Variants in CSMD1 observed in about 807,000 individuals in gnomAD.
CSMD1 encodes CUB and sushi domain-containing protein 1.
CSMD1 carries 213 observed loss-of-function variants against 417.5 expected under a neutral mutation model. That is an observed-to-expected ratio of 0.51 (90% CI 0.46 to 0.57). The LOEUF is 0.57. Among genes scored for constraint, CSMD1 ranks in the 20% least tolerant of loss-of-function variants. The probability of loss-of-function intolerance (pLI) is 0.00; values close to 1 mark genes in which losing one functional copy is unlikely to be tolerated. For missense variants in CSMD1, 6,923 were observed against 4,529.7 expected, an observed-to-expected ratio of 1.53 and a Z score of -15.17; for synonymous variants, 2,862 against 1,736.8, an observed-to-expected ratio of 1.65 and a Z score of -16.11.
chr8:2,941,030 T>G (rs989198377), intron 69 of CSMD1, among the ~76,000 whole-genome samples: 1 of 152,232 alleles, frequency 6.6e-6, no homozygotes, highest in Non-Finnish European at 1.5e-5. Context: ...CTTTCTACAT[T>G]TACTAAATTT....
intron 1 of CSMD1, among the ~76,000 whole-genome samples, chr8:4,971,911 C>T (rs541437648): frequency 1.4e-4 from 22 of 151,958 alleles, no homozygotes; most frequent in Non-Finnish European, 2.9e-4. Context: ...TGACTTAGGA[C>T]ATTTTCTATA....
intron 3 of CSMD1, among the ~76,000 whole-genome samples, chr8:4,194,203 A>C (rs1490697636): frequency 6.6e-6 from 1 of 152,156 alleles, no homozygotes; most frequent in Non-Finnish European, 1.5e-5. Context: ...TGACACTACT[A>C]AATTTCTTTC....
At chr8:4,204,362 C>T (rs953036908) in intron 3 of CSMD1, among the ~76,000 whole-genome samples, 1 of 151,832 alleles carries the variant, frequency 6.6e-6, no homozygotes, top group Non-Finnish European at 1.5e-5. Flanking sequence ...GGTGAGCAAA[C>T]TGACAACATC....
At chr8:3,764,076 G>A (rs1239212397) in intron 5 of CSMD1, among the ~76,000 whole-genome samples, 1 of 152,114 alleles carries the variant, frequency 6.6e-6, no homozygotes, top group Non-Finnish European at 1.5e-5. Context: ...GCTCTCAGAT[G>A]TATATTTCTG....
At chr8:4,816,166 T>C (rs1799195655) in intron 1 of CSMD1, among the ~76,000 whole-genome samples, 1 of 151,562 alleles carries the variant, frequency 6.6e-6, no homozygotes, top group African/African-American at 2.4e-5. Context: ...TGGCTCAGGT[T>C]GGTCACTAAA....
intron 2 of CSMD1, among the ~76,000 whole-genome samples, chr8:4,467,465 CTT>C (rs1800250700): frequency 6.6e-6 from 1 of 152,200 alleles, no homozygotes. Flanking sequence ...TCTTGGCTGT[CTT>C]TGTGCCACCC....
chr8:2,973,721 T>A (rs1190401216), intron 56 of CSMD1, among the ~76,000 whole-genome samples: 8 of 151,998 alleles, frequency 5.3e-5, no homozygotes, highest in African/African-American at 1.9e-4. Context: ...TGTCCAGAGT[T>A]GCTGGTTCGC....
intron 12 of CSMD1, among the ~76,000 whole-genome samples, chr8:3,457,817 T>A (rs1001594005): frequency 1.3e-5 from 2 of 152,208 alleles, no homozygotes; most frequent in African/African-American, 4.8e-5. Context: ...TGGGTCCTTG[T>A]TGTATCCGAT....
rs755631075 is a variant in CSMD1 at position 3,753,910 on chromosome 8, A to G, written c.931+20T>C. On this transcript the variant is annotated intron_variant, in intron 6 of 69. Transcript: ENST00000635120. ...TTACGCTCTGTTTTTTTTTTTTCTT[A>G]TAAGATGGAGCATCCTTACCTTGGA... The G allele has an allele frequency of 1.1e-5, 17 of 1,488,290 alleles. No individual in the cohort carries two copies. Among genetic ancestry groups the G allele is most frequent in the Admixed American group, 3.7e-5 (2 of 53,510 alleles). The allele number at this position is 1,488,290 out of a possible 1,614,324, so 92.2% of individuals were successfully genotyped here.
rs778805545 is a variant in CSMD1 at position 3,409,612 on chromosome 8, A to G, written c.1562-7T>C. 1.3e-6 allele frequency: 2 copies of G among 1,571,314 alleles called. No homozygotes were observed. The highest frequency in any genetic ancestry group is 4.6e-5 in the East Asian group (2 of 43,686). ...CACCCTCCCTTTTCAATTTCTGAAA[A>G]TGGAAAAACAAATGAACCCTTAAAA... On this transcript the variant is annotated splice_polypyrimidine_tract_variant and splice_region_variant and intron_variant, in intron 12 of 69. Coordinates refer to ENST00000635120, the MANE Select transcript of CSMD1 (RefSeq NM_033225.6).
intron 2 of CSMD1, among the ~76,000 whole-genome samples, chr8:4,510,808 C>T (rs903637094): frequency 1.4e-5 from 2 of 140,532 alleles, no homozygotes; most frequent in Admixed American, 7.1e-5. Flanking sequence ...CCCTTCCCTT[C>T]CTTCACTCCC....
chr8:3,356,823 C>A (rs1483249570), intron 21 of CSMD1, among the ~76,000 whole-genome samples: 1 of 152,214 alleles, frequency 6.6e-6, no homozygotes, highest in Non-Finnish European at 1.5e-5. Flanking sequence ...TGGGTGCACT[C>A]TGGAGAGCCA....
At chr8:3,362,867 C>T (rs1308759884) in intron 20 of CSMD1, among the ~76,000 whole-genome samples, 1 of 152,178 alleles carries the variant, frequency 6.6e-6, no homozygotes, top group Non-Finnish European at 1.5e-5. Context: ...TCTTGCATCT[C>T]TTGCTGGGAT....
chr8:3,859,495 A>G (rs963997063), intron 5 of CSMD1, among the ~76,000 whole-genome samples: 1 of 152,260 alleles, frequency 6.6e-6, no homozygotes, highest in East Asian at 1.9e-4. Context: ...TGCCATACTT[A>G]TATCTTCGTT....
chr8:3,544,644 G>C (rs1425720704), intron 10 of CSMD1, among the ~76,000 whole-genome samples: 1 of 152,124 alleles, frequency 6.6e-6, no homozygotes, highest in African/African-American at 2.4e-5. Context: ...CGTCCAATCT[G>C]ACAGCTTGGC....
chr8:4,867,365 G>C (rs1242591713), intron 1 of CSMD1, among the ~76,000 whole-genome samples: 3 of 151,988 alleles, frequency 2.0e-5, no homozygotes, highest in African/African-American at 7.3e-5. Flanking sequence ...TCTTTAAATA[G>C]TTGGCCAACA....
At chr8:4,261,617 G>A (rs892521382) in intron 3 of CSMD1, among the ~76,000 whole-genome samples, 4 of 151,584 alleles carry the variant, frequency 2.6e-5, no homozygotes, top group African/African-American at 9.7e-5. Context: ...GCTATGTTGC[G>A]CAGGCTAGTG....
intron 8 of CSMD1, among the ~76,000 whole-genome samples, chr8:3,599,163 C>A (rs60218108): frequency 7.9e-6 from 1 of 126,720 alleles, no homozygotes; most frequent in Non-Finnish European, 1.6e-5. Flanking sequence ...GTGTGTGTGT[C>A]TGTGTGTGTG....
At chr8:3,079,970 T>A (rs1265953527) in intron 49 of CSMD1, among the ~76,000 whole-genome samples, 1 of 152,226 alleles carries the variant, frequency 6.6e-6, no homozygotes, top group African/African-American at 2.4e-5. Context: ...TAGGCAGCTA[T>A]CTCTATCTAA....
Sources: allele counts gnomAD v4.1 joint callset (sites outside exome capture counted in the v4.1 genomes callset), GRCh38; gene constraint gnomAD v4.1.1; transcripts MANE v1.5; gene names NCBI Gene and HGNC (gene_info 2026-07-23, HGNC 2026-07-21).